Variants in NKAIN3 observed in about 807,000 individuals in gnomAD.
NKAIN3 encodes sodium/potassium transporting ATPase interacting 3.
Under a neutral mutation model 30.2 loss-of-function variants are expected in NKAIN3, and 25 were observed. The observed-to-expected ratio is 0.83, with a 90% confidence interval of 0.60 to 1.16. The LOEUF (loss-of-function observed/expected upper bound fraction) is 1.16, where lower values mean the gene tolerates loss of function less well. NKAIN3 is among the 50% of genes most tolerant of loss of function. The probability of loss-of-function intolerance (pLI) is 0.00; values close to 1 mark genes in which losing one functional copy is unlikely to be tolerated. For synonymous variants in NKAIN3, 91 were observed against 89.6 expected (o/e 1.02, Z -0.09); for missense variants, 225 against 254.1 (o/e 0.89, Z 0.78).
In NKAIN3 at chr8:62,690,879, G is replaced by A. The variant is rs745444317; in HGVS notation, c.274-56053G>A. On this transcript the variant is annotated intron_variant, in intron 3 of 6. Transcript: ENST00000623646. ...GTCATTCTCATTGCTTCCAGCACAGGTGGAAGGAGACACTGCGGATGGTAA... is the reference window on the plus strand; with the variant it reads ...GTCATTCTCATTGCTTCCAGCACAGATGGAAGGAGACACTGCGGATGGTAA... Among the ~76,000 whole-genome samples the A allele has an allele frequency of 9.4e-4, 143 of 152,324 alleles. 2 individuals are homozygous for A. The highest frequency in any genetic ancestry group is 1.7e-3 in the Non-Finnish European group (116 of 68,026).
chr8:62,885,678 A>T (rs906835350), intron 4 of NKAIN3, among the ~76,000 whole-genome samples: 12 of 152,318 alleles, frequency 7.9e-5, no homozygotes, highest in African/African-American at 2.6e-4. Context: ...AGGCCCATAC[A>T]CATTAAGGAT....
intron 1 of NKAIN3, among the ~76,000 whole-genome samples, chr8:62,505,024 C>T (rs1307936900): frequency 6.6e-6 from 1 of 152,138 alleles, no homozygotes; most frequent in Non-Finnish European, 1.5e-5. Flanking sequence ...AGTTAATAAG[C>T]ATTTTCTCCC....
intron 1 of NKAIN3, chr8:62,383,550 A>C (rs1233900356): frequency 4.4e-6 from 2 of 455,190 alleles, no homozygotes; most frequent in Non-Finnish European, 8.8e-6. Context: ...GGCATCTTGA[A>C]ACTCATCTGC....
intron 1 of NKAIN3, among the ~76,000 whole-genome samples, chr8:62,503,020 C>T (rs1223505025): frequency 6.6e-6 from 1 of 152,188 alleles, no homozygotes; most frequent in Non-Finnish European, 1.5e-5. Flanking sequence ...AACCTGGCTG[C>T]ACAGCAGGAG....
rs1823880100 is a variant in NKAIN3 at position 62,973,583 on chromosome 8, G to C, written c.*8176G>C. Among the ~76,000 whole-genome samples, 1 of 151,766 alleles carries C rather than the reference G, an allele frequency of 6.6e-6. No homozygotes were observed. Among genetic ancestry groups the C allele is most frequent in the Admixed American group, 6.6e-5 (1 of 15,242 alleles). On this transcript the variant is annotated 3_prime_UTR_variant, in exon 7 of 7. Transcript: ENST00000623646. ...ATATTAGCCCTTTGTCAGATGGATA[G>C]GTTGCAAAAATTTTCTCCCATTCTG... is the stretch of plus-strand genomic sequence containing the variant.
chr8:62,945,587 C>A (rs917336391), intron 5 of NKAIN3, among the ~76,000 whole-genome samples: 4 of 152,116 alleles, frequency 2.6e-5, no homozygotes, highest in African/African-American at 9.7e-5. Flanking sequence ...GAAGCAAGGT[C>A]CAGAATGGCC....
chr8:62,815,225 T>A lies in NKAIN3; in HGVS notation c.471+68096T>A, dbSNP rs537193488. 9.2e-5 allele frequency among the ~76,000 whole-genome samples: 14 copies of A among 152,058 alleles called. 1 individual carries two copies. In the South Asian group the frequency reaches 2.9e-3, roughly 32 times the overall value. On this transcript the variant is annotated intron_variant, in intron 4 of 6. Transcript: ENST00000623646. ...ACAGGCTCTGAAATTTAGGCAATAA[T>A]CAATAGCTTACCAACCAAAAAGAGT...
At chr8:62,442,416 A>T (rs1654237209) in intron 1 of NKAIN3, among the ~76,000 whole-genome samples, 1 of 151,996 alleles carries the variant, frequency 6.6e-6, no homozygotes, top group South Asian at 2.1e-4. Flanking sequence ...TATAGCATTA[A>T]TACCTGGAGA....
chr8:62,421,215 C>T (rs10104622), intron 1 of NKAIN3, among the ~76,000 whole-genome samples: 147,569 of 152,228 alleles, frequency 0.97, 71,575 homozygotes, highest in East Asian at 1. Flanking sequence ...CTCCTGTGCC[C>T]GTTGGTACTA....
intron 4 of NKAIN3, among the ~76,000 whole-genome samples, chr8:62,826,729 C>T (rs1819037164): frequency 6.6e-6 from 1 of 152,112 alleles, no homozygotes; most frequent in Non-Finnish European, 1.5e-5. Context: ...GGGTACTAAG[C>T]TTTTGGAAAT....
At chr8:62,332,164 A>G (rs552701595) in intron 1 of NKAIN3, among the ~76,000 whole-genome samples, 1 of 152,268 alleles carries the variant, frequency 6.6e-6, no homozygotes, top group African/African-American at 2.4e-5. Context: ...TGCTTCAGAA[A>G]TAAGATAATG....
At chr8:62,249,833 T>A (rs1812036249) in intron 1 of NKAIN3, among the ~76,000 whole-genome samples, 1 of 151,970 alleles carries the variant, frequency 6.6e-6, no homozygotes, top group African/African-American at 2.4e-5. Flanking sequence ...AGAGGGAGTG[T>A]GTGTAATGGG....
Position 62,672,323 on chromosome 8 carries a change from G to A in NKAIN3, c.274-74609G>A, listed in dbSNP as rs1586073953. 3.3e-5 allele frequency among the ~76,000 whole-genome samples: 5 copies of A among 152,286 alleles called. No homozygotes were observed. In the East Asian group the frequency reaches 9.7e-4, roughly 29 times the overall value. ...TTGTGGCTTGTCCCTGAATGTCTCA[G>A]AATGTTGGCCTCATGAGTGCCCTAG... On this transcript the variant is annotated intron_variant, in intron 3 of 6. Transcript: ENST00000623646.
intron 1 of NKAIN3, among the ~76,000 whole-genome samples, chr8:62,569,649 A>T (rs373744277): frequency 6.6e-6 from 1 of 151,840 alleles, no homozygotes; most frequent in Non-Finnish European, 1.5e-5. Flanking sequence ...GGTGACTCAT[A>T]CCTGTATTCC....
chr8:62,856,961 C>CAAA, intron 4 of NKAIN3: 7 of 471,366 alleles, frequency 1.5e-5, no homozygotes, highest in Admixed American at 7.9e-5. Context: ...GAGGCATCAA[C>CAAA]AAAAAAAAAA....
intron 1 of NKAIN3, among the ~76,000 whole-genome samples, chr8:62,503,944 G>A (rs185864826): frequency 2.0e-5 from 3 of 152,224 alleles, no homozygotes; most frequent in East Asian, 3.9e-4. Context: ...CTCAGTTTAC[G>A]AAGATAACAG....
Position 62,973,352 on chromosome 8 carries a change from T to A in NKAIN3, c.*7945T>A, listed in dbSNP as rs1823874143. The stretch of plus-strand genomic sequence containing the variant: ...GCCTCTGTTGTATCCTTTTTAATGA[T>A]CGCCATTCTAACTGGTGTGAGGTGG... On this transcript the variant is annotated 3_prime_UTR_variant, in exon 7 of 7. Transcript: ENST00000623646. Among the ~76,000 whole-genome samples, 1 of 152,202 alleles carries A rather than the reference T, an allele frequency of 6.6e-6. No individual in the cohort carries two copies. Among genetic ancestry groups the A allele is most frequent in the Non-Finnish European group, 1.5e-5 (1 of 68,040 alleles).
Position 62,512,380 on chromosome 8 carries a change from T to A in NKAIN3, c.55-67159T>A, listed in dbSNP as rs144608811. On this transcript the variant is annotated intron_variant, in intron 1 of 6. Coordinates refer to ENST00000623646, the MANE Select transcript of NKAIN3 (RefSeq NM_001304533.3). ...TTCTGCCCCAGTTTTCTCTTTTAAA[T>A]GGTCAGTGAGGGCCTGGAAACATGT... is the stretch of plus-strand genomic sequence containing the variant. 4.8e-3 allele frequency among the ~76,000 whole-genome samples: 736 copies of A among 152,272 alleles called. 5 individuals carry two copies. The highest frequency in any genetic ancestry group is 8.3e-3 in the Non-Finnish European group (564 of 68,012).
chr8:62,515,696 G>A (rs13268924), intron 1 of NKAIN3, among the ~76,000 whole-genome samples: 1 of 152,082 alleles, frequency 6.6e-6, no homozygotes, highest in Non-Finnish European at 1.5e-5. Context: ...CTCTCAACAA[G>A]AATCCACTAG....
Sources: gnomAD v4.1 joint callset for allele counts (sites outside exome capture counted in the v4.1 genomes callset) on GRCh38, gnomAD v4.1.1 for gene constraint, MANE v1.5 for transcripts, NCBI Gene and HGNC (gene_info 2026-07-23, HGNC 2026-07-21) for gene names.